The following POU2AF2 variants were observed in gnomAD, a reference collection of about 807,000 sequenced individuals.
POU2AF2 encodes the protein POU class 2 homeobox associating factor 2, also known as POU domain class 2-associating factor 2.
chr11:111,263,174 A>T, the POU2AF2 span, among the ~76,000 whole-genome samples: 2 of 152,228 alleles, frequency 1.3e-5, no homozygotes, highest in African/African-American at 2.4e-5. Context: ...ATTCTGAGCT[A>T]CATCCCAGTA....
At chr11:111,249,396 A>G in the POU2AF2 span, among the ~76,000 whole-genome samples, 1 of 152,222 alleles carries the variant, frequency 6.6e-6, no homozygotes, top group South Asian at 2.1e-4. Flanking sequence ...GCATATTTTA[A>G]AGAATTTGTA....
chr11:111,253,570 C>A, the POU2AF2 span, among the ~76,000 whole-genome samples: 1 of 152,176 alleles, frequency 6.6e-6, no homozygotes, highest in South Asian at 2.1e-4. Context: ...TACTCAGTCC[C>A]CATCAGCTCT....
the POU2AF2 span, among the ~76,000 whole-genome samples, chr11:111,247,799 C>A: frequency 6.6e-6 from 1 of 151,174 alleles, no homozygotes; most frequent in African/African-American, 2.4e-5. Context: ...AAAAAGATTT[C>A]ATCGTGTGTA....
chr11:111,250,173 T>TG, the POU2AF2 span, among the ~76,000 whole-genome samples: 2 of 152,152 alleles, frequency 1.3e-5, no homozygotes, highest in Non-Finnish European at 2.9e-5. Flanking sequence ...AGTGCTGTTT[T>TG]GGGGGGGTTG....
the POU2AF2 span, chr11:111,285,898 C>A: frequency 1.2e-6 from 2 of 1,613,662 alleles, no homozygotes; most frequent in East Asian, 4.5e-5. Flanking sequence ...ACCCCTTCAC[C>A]CCTTTCATGA....
chr11:111,283,058 C>CTTTTTTTTTTT, the POU2AF2 span, among the ~76,000 whole-genome samples: 1 of 118,456 alleles, frequency 8.4e-6, no homozygotes, highest in East Asian at 2.4e-4. Context: ...AAACTTTTTA[C>CTTTTTTTTTTT]TTTTTTTTTT....
the POU2AF2 span, among the ~76,000 whole-genome samples, chr11:111,269,183 G>A: frequency 1.6e-4 from 23 of 143,870 alleles, no homozygotes; most frequent in Non-Finnish European, 1.2e-4. Context: ...CCCCCTCCAC[G>A]AGCCTACAAA....
chr11:111,286,279 C>A, the POU2AF2 span: 1 of 502,218 alleles, frequency 2.0e-6, no homozygotes, highest in Non-Finnish European at 3.4e-6. Context: ...AGTAAGATAA[C>A]CTTACAATGT....
At chr11:111,255,448 G>A in the POU2AF2 span, among the ~76,000 whole-genome samples, 88 of 152,212 alleles carry the variant, frequency 5.8e-4, 2 homozygotes, top group South Asian at 0.017. Context: ...TTGAATCACC[G>A]ATTTTCAAAA....
chr11:111,263,794 A>G, the POU2AF2 span, among the ~76,000 whole-genome samples: 4 of 152,170 alleles, frequency 2.6e-5, no homozygotes, highest in African/African-American at 9.7e-5. Context: ...CTAGATCCAG[A>G]TGACCTGAAT....
At chr11:111,260,512 G>A in the POU2AF2 span, among the ~76,000 whole-genome samples, 2 of 152,116 alleles carry the variant, frequency 1.3e-5, no homozygotes, top group African/African-American at 4.8e-5. Context: ...CCCTCACAAG[G>A]GGGAGTTTTG....
chr11:111,282,174 A>G, the POU2AF2 span, among the ~76,000 whole-genome samples: 1 of 152,192 alleles, frequency 6.6e-6, no homozygotes, highest in Admixed American at 6.5e-5. Flanking sequence ...TACAGAGAAA[A>G]TCCATGCTAA....
At chr11:111,254,790 C>T in the POU2AF2 span, among the ~76,000 whole-genome samples, 95 of 152,162 alleles carry the variant, frequency 6.2e-4, no homozygotes, top group Admixed American at 3.2e-3. Flanking sequence ...CTCATACGTA[C>T]ATTTGTTTTT....
the POU2AF2 span, among the ~76,000 whole-genome samples, chr11:111,279,169 T>C: frequency 6.6e-6 from 1 of 152,178 alleles, no homozygotes; most frequent in South Asian, 2.1e-4. Context: ...ATACTCTTCC[T>C]TCAGAGGTCA....
chr11:111,248,495 A>T, the POU2AF2 span, among the ~76,000 whole-genome samples: 1 of 152,300 alleles, frequency 6.6e-6, no homozygotes, highest in East Asian at 1.9e-4. Context: ...CTGGATTTTA[A>T]TTCTACTCTG....
At chr11:111,284,635 T>C in the POU2AF2 span, among the ~76,000 whole-genome samples, 2 of 152,244 alleles carry the variant, frequency 1.3e-5, no homozygotes, top group African/African-American at 4.8e-5. Context: ...TTTATATCCA[T>C]TTTGTTAATG....
chr11:111,286,033 T>A, the POU2AF2 span: 115 of 1,613,426 alleles, frequency 7.1e-5, no homozygotes, highest in Non-Finnish European at 9.4e-5. Context: ...GGGGGTCATA[T>A]GAATGCCGCA....
the POU2AF2 span, among the ~76,000 whole-genome samples, chr11:111,250,654 T>C: frequency 6.6e-6 from 1 of 152,166 alleles, no homozygotes; most frequent in East Asian, 1.9e-4. Context: ...CATAATAGAA[T>C]GGCAAGTGCT....
the POU2AF2 span, among the ~76,000 whole-genome samples, chr11:111,256,881 A>G: frequency 1.3e-5 from 2 of 152,380 alleles, no homozygotes; most frequent in Non-Finnish European, 2.9e-5. Context: ...CTTAAAAAAA[A>G]TCTTCTGTGT....
Sources: gnomAD v4.1 joint callset for allele counts (sites outside exome capture counted in the v4.1 genomes callset) on GRCh38, gnomAD v4.1.1 for gene constraint, MANE v1.5 for transcripts, NCBI Gene and HGNC (gene_info 2026-07-23, HGNC 2026-07-21) for gene names.